PDIA5: variants seen among roughly 807,000 people sequenced by gnomAD.
The protein encoded by PDIA5 is protein disulfide isomerase family A member 5.
PDIA5 carries 58 observed loss-of-function variants against 77.6 expected under a neutral mutation model. The observed-to-expected ratio is 0.75, with a 90% confidence interval of 0.61 to 0.93. PDIA5 has a LOEUF of 0.93. PDIA5 is among the 40% of genes least tolerant of loss of function. PDIA5 has a pLI of 0.00. For synonymous variants in PDIA5, 250 were observed against 252.1 expected (o/e 0.99, Z 0.08); for missense variants, 630 against 647.7 (o/e 0.97, Z 0.30).
chr3:123,106,513 T>A (rs1397148966), intron 5 of PDIA5, among the ~76,000 whole-genome samples: 1 of 152,138 alleles, frequency 6.6e-6, no homozygotes, highest in Admixed American at 6.5e-5. Context: ...GAGCAAGGTG[T>A]CTTGTGATTG....
At chr3:123,154,250 G>A (rs1190430403) in intron 14 of PDIA5, among the ~76,000 whole-genome samples, 1 of 152,174 alleles carries the variant, frequency 6.6e-6, no homozygotes, top group Non-Finnish European at 1.5e-5. Flanking sequence ...GCCTTAGGCT[G>A]CTCTGACAAG....
At chr3:123,079,592 G>A (rs1299077174) in intron 1 of PDIA5, among the ~76,000 whole-genome samples, 1 of 152,148 alleles carries the variant, frequency 6.6e-6, no homozygotes, top group Non-Finnish European at 1.5e-5. Context: ...TGGACATTTA[G>A]GTTGTTTATA....
At chr3:123,112,290 G>A (rs926908512) in intron 7 of PDIA5, among the ~76,000 whole-genome samples, 2 of 152,138 alleles carry the variant, frequency 1.3e-5, no homozygotes, top group African/African-American at 4.8e-5. Flanking sequence ...GTGCCTAGGT[G>A]TGTGTGTGGC....
Position 123,067,078 on chromosome 3 carries a change from G to A in PDIA5, c.-87G>A. 9.0e-7 allele frequency: 1 copy of A among 1,115,818 alleles called. No homozygotes were observed. Among genetic ancestry groups the A allele is most frequent in the Non-Finnish European group, 1.1e-6 (1 of 880,018 alleles). 69.1% of individuals were successfully genotyped at this position (1,115,818 alleles called of 1,614,324 possible). A position where few individuals can be genotyped will look rare whatever the true frequency, so the allele number is the denominator to read the frequency against. Reference sequence around the variant, plus strand: ...GGAGCGGCTGGGAAGTGGCCGTGGTGGTTGGCCGCGGTGGAGCTAGCAGGC... The same window carrying A: ...GGAGCGGCTGGGAAGTGGCCGTGGTAGTTGGCCGCGGTGGAGCTAGCAGGC... On this transcript the variant is annotated 5_prime_UTR_variant, in exon 1 of 17. Coordinates refer to ENST00000316218, the MANE Select transcript of PDIA5 (RefSeq NM_006810.4).
At chr3:123,089,061 C>T in intron 1 of PDIA5, 107 bp from the exon 2 acceptor site, 1 of 1,100,566 alleles carries the variant, frequency 9.1e-7, no homozygotes. Flanking sequence ...GGTTTGCCCT[C>T]ATCCTCTGGA....
intron 3 of PDIA5, among the ~76,000 whole-genome samples, chr3:123,100,411 G>A (rs527424324): frequency 6.6e-6 from 1 of 152,364 alleles, no homozygotes; most frequent in South Asian, 2.1e-4. Flanking sequence ...TCCATTTGGA[G>A]AGCCCACTCC....
chr3:123,151,855 GCCCTCCTTCCTTCCT>G (rs1935910768), intron 14 of PDIA5, among the ~76,000 whole-genome samples: 1 of 120,918 alleles, frequency 8.3e-6, no homozygotes, highest in Non-Finnish European at 1.7e-5. Context: ...CTTCCTTCCT[GCCCTCCTTCCTTCCT>G]GCCCGCCTTC....
chr3:123,140,719 CAT>C (rs1382445697), intron 11 of PDIA5, among the ~76,000 whole-genome samples: 1 of 152,174 alleles, frequency 6.6e-6, no homozygotes, highest in South Asian at 2.1e-4. Context: ...TGAGCTGTGT[CAT>C]GTGTCTGGTG....
chr3:123,112,828 G>A (rs1279842384), intron 7 of PDIA5, among the ~76,000 whole-genome samples: 1 of 151,966 alleles, frequency 6.6e-6, no homozygotes. Context: ...CCAAAGTGCT[G>A]GAATTACAGG....
chr3:123,097,691 C>A (rs369626890), intron 3 of PDIA5, among the ~76,000 whole-genome samples: 1 of 151,966 alleles, frequency 6.6e-6, no homozygotes, highest in South Asian at 2.1e-4. Flanking sequence ...TCGCCCCCGC[C>A]CCCTCCCCCT....
intron 1 of PDIA5, among the ~76,000 whole-genome samples, chr3:123,081,920 G>A (rs779572005): frequency 6.6e-6 from 1 of 152,176 alleles, no homozygotes; most frequent in Admixed American, 6.5e-5. Context: ...GGAGATGCTG[G>A]GTGGCGATCA....
At chr3:123,092,276 C>T in intron 2 of PDIA5, 79 bp from the exon 3 acceptor site, 1 of 1,197,106 alleles carries the variant, frequency 8.4e-7, no homozygotes, top group Non-Finnish European at 1.2e-6. Context: ...TCCATCCTTC[C>T]TCACCCCTGA....
At chr3:123,093,728 G>A (rs736340) in intron 3 of PDIA5, among the ~76,000 whole-genome samples, 1,640 of 152,338 alleles carry the variant, frequency 0.011, 27 homozygotes, top group African/African-American at 0.037. Context: ...ACAATGTCAG[G>A]TGAACAGTGC....
chr3:123,133,250 A>C (rs1935413689), intron 11 of PDIA5, among the ~76,000 whole-genome samples: 1 of 152,242 alleles, frequency 6.6e-6, no homozygotes, highest in Admixed American at 6.5e-5. Context: ...GACAAATGTC[A>C]AGAGGCCAGA....
At chr3:123,131,574 C>G (rs1037288841) in intron 11 of PDIA5, among the ~76,000 whole-genome samples, 9 of 149,602 alleles carry the variant, frequency 6.0e-5, no homozygotes, top group African/African-American at 2.2e-4. Context: ...ATGGGGAGGC[C>G]AGGCTGGAGC....
chr3:123,122,152 C>G (rs1935135192), intron 8 of PDIA5, among the ~76,000 whole-genome samples: 1 of 152,134 alleles, frequency 6.6e-6, no homozygotes, highest in African/African-American at 2.4e-5. Context: ...GAATGTGGAG[C>G]TGGATTTTAG....
At chr3:123,067,283 C>T in intron 1 of PDIA5, 77 bp downstream of exon 1, 3 of 1,164,034 alleles carry the variant, frequency 2.6e-6, no homozygotes, top group East Asian at 3.2e-5. Context: ...CTGCTCCAGC[C>T]CTCTGCGGAA....
At position 123,154,766 on chromosome 3, in the gene PDIA5, C is replaced by A. The variant is rs374536637; in HGVS notation, c.1274-205C>A. ...GAGCATATGATGCTTGTGACAGGGA[C>A]TCCTACCAGTCCCCCCTACCAATAG... On this transcript the variant is annotated intron_variant, in intron 14 of 16. Transcript: ENST00000316218. Among the ~76,000 whole-genome samples the A allele has an allele frequency of 3.3e-3, 509 of 152,282 alleles. 3 individuals carry two copies. The highest frequency in any genetic ancestry group is 0.011 in the African/African-American group (464 of 41,550).
At chr3:123,116,157 G>A in intron 7 of PDIA5, 74 bp from the exon 8 acceptor site, 1 of 1,196,816 alleles carries the variant, frequency 8.4e-7, no homozygotes. Flanking sequence ...GGATGGCCAT[G>A]GGGAGGCAGG....
Sources: allele counts gnomAD v4.1 joint callset (sites outside exome capture counted in the v4.1 genomes callset), GRCh38; gene constraint gnomAD v4.1.1; transcripts MANE v1.5; gene names NCBI Gene and HGNC (gene_info 2026-07-23, HGNC 2026-07-21).